The following TSHZ3 variants were observed in gnomAD, a reference collection of about 807,000 sequenced individuals.
TSHZ3 encodes the protein teashirt homolog 3.
In TSHZ3, 10 loss-of-function variants were observed where a neutral mutation model predicts 64.5. The observed-to-expected ratio is 0.16, with a 90% confidence interval of 0.10 to 0.26. The LOEUF (loss-of-function observed/expected upper bound fraction) is 0.26. Ranked by LOEUF, TSHZ3 falls within the 10% of genes least tolerant of loss-of-function variation. The pLI is 1.00. For missense variants in TSHZ3, 1,242 were observed against 1,421.7 expected, an observed-to-expected ratio of 0.87 and a Z score of 2.03; for synonymous variants, 608 against 593.1, an observed-to-expected ratio of 1.03 and a Z score of -0.36.
intron 1 of TSHZ3, among the ~76,000 whole-genome samples, chr19:31,267,576 T>A (rs914576246): frequency 6.6e-6 from 1 of 152,098 alleles, no homozygotes; most frequent in Admixed American, 6.5e-5. Flanking sequence ...CCTTCCCCCA[T>A]TTCTTTCAAG....
chr19:31,235,131 T>G (rs1256394903), intron 3 of TSHZ3, among the ~76,000 whole-genome samples: 1 of 152,218 alleles, frequency 6.6e-6, no homozygotes, highest in African/African-American at 2.4e-5. Context: ...TATCATGAAA[T>G]GATCCCCACA....
At chr19:31,250,053 C>T (rs1336834166) in intron 1 of TSHZ3, among the ~76,000 whole-genome samples, 2 of 152,204 alleles carry the variant, frequency 1.3e-5, no homozygotes, top group African/African-American at 2.4e-5. Context: ...GCTGCACGCG[C>T]CAGGCACACA....
chr19:31,189,103 A>G (rs1215401740), intron 5 of TSHZ3, among the ~76,000 whole-genome samples: 1 of 151,768 alleles, frequency 6.6e-6, no homozygotes, highest in African/African-American at 2.4e-5. Flanking sequence ...TGTCTGATTT[A>G]TTTCTAGTGA....
chr19:31,238,289 T>A (rs1462031571), intron 3 of TSHZ3, among the ~76,000 whole-genome samples: 1 of 150,512 alleles, frequency 6.6e-6, no homozygotes, highest in Non-Finnish European at 1.5e-5. Context: ...AGACTCTTGC[T>A]CTGTCACCCG....
At chr19:31,228,594 C>T (rs1287652749) in intron 3 of TSHZ3, among the ~76,000 whole-genome samples, 1 of 150,564 alleles carries the variant, frequency 6.6e-6, no homozygotes, top group African/African-American at 2.4e-5. Flanking sequence ...TCTTATTTTT[C>T]AATCATTATT....
intron 4 of TSHZ3, among the ~76,000 whole-genome samples, chr19:31,226,977 C>CTTTTTTTTT (rs3030229): frequency 0.012 from 814 of 65,584 alleles, 85 homozygotes; most frequent in African/African-American, 0.068. Flanking sequence ...TTCTTTCTTT[C>CTTTTTTTTT]TTTTTTTTTT....
At position 31,343,499 on chromosome 19, in the gene TSHZ3, G is replaced by A. The variant is rs867225072; in HGVS notation, c.40+5681C>T. On this transcript the variant is annotated intron_variant, in intron 1 of 1. Transcript: ENST00000240587. ...TAGAAATGTCTTCTTTTTTAAATGG[G>A]GCTTATAAAATATTCAATATTTGGT... 3.5e-4 allele frequency among the ~76,000 whole-genome samples: 53 copies of A among 152,090 alleles called. 1 individual carries two copies. The highest frequency in any genetic ancestry group is 1.1e-3 in the African/African-American group (45 of 41,472).
intron 4 of TSHZ3, among the ~76,000 whole-genome samples, chr19:31,224,399 G>A (rs1975431744): frequency 6.6e-6 from 1 of 152,148 alleles, no homozygotes; most frequent in African/African-American, 2.4e-5. Flanking sequence ...TGCTCTCTGT[G>A]CTAAGATATC....
chr19:31,265,637 C>A (rs937704388), intron 1 of TSHZ3, among the ~76,000 whole-genome samples: 1 of 152,060 alleles, frequency 6.6e-6, no homozygotes, highest in Non-Finnish European at 1.5e-5. Flanking sequence ...CAGCCCTTTG[C>A]ATCCCGGACT....
intron 1 of TSHZ3, among the ~76,000 whole-genome samples, chr19:31,254,608 G>T (rs534821298): frequency 6.6e-6 from 1 of 152,170 alleles, no homozygotes; most frequent in African/African-American, 2.4e-5. Flanking sequence ...CGTTCAATGC[G>T]GCGGGTGATT....
intron 1 of TSHZ3, among the ~76,000 whole-genome samples, chr19:31,312,771 G>T (rs1359867425): frequency 6.6e-6 from 1 of 152,102 alleles, no homozygotes; most frequent in Non-Finnish European, 1.5e-5. Context: ...TTGCTTCAAG[G>T]AGAAAGTATC....
intron 1 of TSHZ3, among the ~76,000 whole-genome samples, chr19:31,248,484 C>T (rs999133693): frequency 2.0e-5 from 3 of 152,060 alleles, no homozygotes; most frequent in African/African-American, 2.4e-5. Context: ...GCCAATACTG[C>T]GGAGAAGCTG....
At chr19:31,322,231 G>T (rs746942563) in intron 1 of TSHZ3, among the ~76,000 whole-genome samples, 1 of 152,148 alleles carries the variant, frequency 6.6e-6, no homozygotes, top group African/African-American at 2.4e-5. Context: ...TATCTCCTGG[G>T]TTCAAACGAT....
chr19:31,194,261 G>T (rs1439511565), intron 5 of TSHZ3, among the ~76,000 whole-genome samples: 1 of 152,174 alleles, frequency 6.6e-6, no homozygotes. Context: ...GCTGGACCAG[G>T]TTCCCACACT....
intron 1 of TSHZ3, among the ~76,000 whole-genome samples, chr19:31,315,327 G>A (rs920098391): frequency 2.0e-5 from 3 of 152,044 alleles, no homozygotes; most frequent in African/African-American, 7.2e-5. Context: ...CCCCAGCCCC[G>A]CCCTGTCCCA....
intron 1 of TSHZ3, among the ~76,000 whole-genome samples, chr19:31,337,751 A>G (rs1917295579): frequency 6.6e-6 from 1 of 151,880 alleles, no homozygotes; most frequent in African/African-American, 2.4e-5. Flanking sequence ...ACACACACAC[A>G]CAAAGTTGCC....
rs376516126 is a variant in TSHZ3 at position 31,208,725 on chromosome 19, C to T, written n.687-3647G>A. On this transcript the variant is annotated intron_variant and non_coding_transcript_variant, in intron 4 of 6. Transcript: ENST00000651361. Reference sequence around the variant, plus strand: ...AGTGAAGACATGGTTTACCACAAGTCGTGGCTTTCCCAATGCTGATTCCTG... The same window carrying T: ...AGTGAAGACATGGTTTACCACAAGTTGTGGCTTTCCCAATGCTGATTCCTG... Among the ~76,000 whole-genome samples the T allele has an allele frequency of 2.0e-4, 30 of 152,324 alleles. No homozygotes were observed. The East Asian group carries it at 3.1e-3, about 16-fold the overall frequency.
At chr19:31,262,034 C>T (rs149165824) in intron 1 of TSHZ3, among the ~76,000 whole-genome samples, 49 of 152,316 alleles carry the variant, frequency 3.2e-4, no homozygotes, top group African/African-American at 1.1e-3. Context: ...TTAAACACTT[C>T]TCTAGCTTGG....
At chr19:31,218,732 C>G (rs902492201) in intron 4 of TSHZ3, among the ~76,000 whole-genome samples, 1 of 152,160 alleles carries the variant, frequency 6.6e-6, no homozygotes, top group Non-Finnish European at 1.5e-5. Flanking sequence ...AAGAAATGAG[C>G]TATCAGCCAT....
Sources: allele counts gnomAD v4.1 joint callset (sites outside exome capture counted in the v4.1 genomes callset), GRCh38; gene constraint gnomAD v4.1.1; transcripts MANE v1.5; gene names NCBI Gene and HGNC (gene_info 2026-07-23, HGNC 2026-07-21).